The following ANKRD30B variants were observed in gnomAD, a reference collection of about 807,000 sequenced individuals.
ANKRD30B encodes ankyrin repeat domain-containing protein 30B.
ANKRD30B carries 144 observed loss-of-function variants against 202.2 expected under a neutral mutation model. That is an observed-to-expected ratio of 0.71 (90% confidence interval 0.62 to 0.82). The LOEUF (loss-of-function observed/expected upper bound fraction) is 0.82. ANKRD30B is among the 40% of genes least tolerant of loss of function. ANKRD30B has a pLI of 0.00. For missense variants in ANKRD30B, 1,487 were observed against 1,669.1 expected, an observed-to-expected ratio of 0.89 and a Z score of 1.90; for synonymous variants, 508 against 561.3, an observed-to-expected ratio of 0.91 and a Z score of 1.34.
At chr18:14,890,824 T>C in the ANKRD30B span, among the ~76,000 whole-genome samples, 10 of 151,580 alleles carry the variant, frequency 6.6e-5, no homozygotes, top group Middle Eastern at 3.4e-3. Flanking sequence ...TAAAACAAAA[T>C]TATGAATCCG....
chr18:14,903,693 C>CGTTACCCCAAAA, the ANKRD30B span: 1 of 152,262 alleles, frequency 6.6e-6, no homozygotes, highest in African/African-American at 2.4e-5. Context: ...ACATCAGGGA[C>CGTTACCCCAAAA]CACTATTTTG....
intron 33 of ANKRD30B, among the ~76,000 whole-genome samples, chr18:14,829,236 C>G (rs999480437): frequency 2.0e-5 from 3 of 152,104 alleles, no homozygotes; most frequent in Admixed American, 6.5e-5. Flanking sequence ...AAAATACTTT[C>G]ATATTTTAAA....
the ANKRD30B span, among the ~76,000 whole-genome samples, chr18:14,870,940 C>T: frequency 6.6e-6 from 1 of 151,480 alleles, no homozygotes; most frequent in Non-Finnish European, 1.5e-5. Flanking sequence ...TCATCCAGCC[C>T]CACCCAGAAG....
At chr18:14,840,490 G>A (rs1971371831) in intron 36 of ANKRD30B, 98 bp from the exon 37 acceptor site, 3 of 481,112 alleles carry the variant, frequency 6.2e-6, no homozygotes, top group Non-Finnish European at 6.5e-6. Flanking sequence ...AATGAGCCAA[G>A]ATCATGCCAC....
chr18:14,790,022 G>C (rs1435763827), intron 15 of ANKRD30B, among the ~76,000 whole-genome samples: 1 of 152,192 alleles, frequency 6.6e-6, no homozygotes, highest in Non-Finnish European at 1.5e-5. Flanking sequence ...CTACCCATGA[G>C]CATGGAATGT....
intron 28 of ANKRD30B, among the ~76,000 whole-genome samples, chr18:14,810,418 T>C (rs572166868): frequency 6.6e-6 from 1 of 151,418 alleles, no homozygotes; most frequent in East Asian, 1.9e-4. Flanking sequence ...ATCCCGATAG[T>C]GTAAAGTTTC....
intron 41 of ANKRD30B, among the ~76,000 whole-genome samples, chr18:14,850,994 T>C (rs892256371): frequency 6.6e-6 from 1 of 151,940 alleles, no homozygotes; most frequent in African/African-American, 2.4e-5. Context: ...CAAACATTCA[T>C]AAATATAATT....
intron 9 of ANKRD30B, among the ~76,000 whole-genome samples, chr18:14,777,449 C>G (rs151004515): frequency 6.6e-6 from 1 of 151,720 alleles, no homozygotes; most frequent in Non-Finnish European, 1.5e-5. Flanking sequence ...AGGCACCCAC[C>G]ACCACGCCAG....
At chr18:14,913,100 C>G in the ANKRD30B span, among the ~76,000 whole-genome samples, 1 of 152,260 alleles carries the variant, frequency 6.6e-6, no homozygotes, top group Non-Finnish European at 1.5e-5. Flanking sequence ...ACATTGCAGG[C>G]TCTTTTGGCA....
the ANKRD30B span, among the ~76,000 whole-genome samples, chr18:14,885,168 C>A: frequency 6.6e-6 from 1 of 152,086 alleles, no homozygotes; most frequent in Non-Finnish European, 1.5e-5. Context: ...ATCACCTATA[C>A]TGACTGTTAA....
chr18:14,790,348 G>C (rs565856314), intron 15 of ANKRD30B, among the ~76,000 whole-genome samples: 53 of 152,266 alleles, frequency 3.5e-4, no homozygotes, highest in Non-Finnish European at 5.9e-4. Flanking sequence ...GGGACAATTT[G>C]ACTTCCTCTT....
chr18:14,883,427 CTATATATA>C, the ANKRD30B span: 10 of 32,852 alleles, frequency 3.0e-4, 1 homozygote, highest in East Asian at 9.0e-3. Context: ...ATATATATAT[CTATATATA>C]TCTCCTGTTC....
chr18:14,784,320 C>A lies in ANKRD30B; in HGVS notation c.1571-16C>A. 4 of 1,610,340 alleles carry A rather than the reference C, an allele frequency of 2.5e-6. No individual in the cohort carries two copies. Among genetic ancestry groups the A allele is most frequent in the Non-Finnish European group, 3.4e-6 (4 of 1,177,660 alleles). On this transcript the variant is annotated splice_polypyrimidine_tract_variant and intron_variant, in intron 12 of 43. Transcript: ENST00000690538. ...TATTTACTTATGATTGATGATAAAT[C>A]TCTTTTGCATTTTAGAGCTTCCTGA...
the ANKRD30B span, among the ~76,000 whole-genome samples, chr18:14,934,737 T>A: frequency 2.4e-3 from 358 of 152,030 alleles, no homozygotes; most frequent in Non-Finnish European, 4.4e-3. Context: ...CAAGAAGGGA[T>A]CCGGAGCCAA....
chr18:14,847,618 C>T (rs1243206016), intron 39 of ANKRD30B, among the ~76,000 whole-genome samples: 7 of 148,470 alleles, frequency 4.7e-5, no homozygotes, highest in Non-Finnish European at 8.9e-5. Flanking sequence ...TTAAAAGTAT[C>T]TTCTATTGCT....
At chr18:14,864,147 C>A in the ANKRD30B span, among the ~76,000 whole-genome samples, 1 of 152,120 alleles carries the variant, frequency 6.6e-6, no homozygotes, top group Non-Finnish European at 1.5e-5. Context: ...CCAGCCTGAC[C>A]AACATGGAGA....
chr18:14,756,102 A>G (rs1300033841), intron 4 of ANKRD30B, among the ~76,000 whole-genome samples: 6 of 152,082 alleles, frequency 3.9e-5, no homozygotes, highest in East Asian at 1.9e-4. Context: ...CATTCTAACT[A>G]GTGTGAGATG....
chr18:14,861,657 CA>C, the ANKRD30B span, among the ~76,000 whole-genome samples: 1 of 150,394 alleles, frequency 6.6e-6, no homozygotes, highest in Non-Finnish European at 1.5e-5. Flanking sequence ...AAGAGATACA[CA>C]GCTGTACAAT....
the ANKRD30B span, among the ~76,000 whole-genome samples, chr18:14,890,295 G>T: frequency 1.3e-5 from 2 of 151,812 alleles, no homozygotes; most frequent in African/African-American, 4.8e-5. Flanking sequence ...CAAACTGACG[G>T]TTTTTTATTT....
Sources: gnomAD v4.1 joint callset for allele counts (sites outside exome capture counted in the v4.1 genomes callset) on GRCh38, gnomAD v4.1.1 for gene constraint, MANE v1.5 for transcripts, NCBI Gene and HGNC (gene_info 2026-07-23, HGNC 2026-07-21) for gene names.